Variants in NTRK1 observed in about 807,000 individuals in gnomAD.
The protein encoded by NTRK1 is neurotrophic receptor tyrosine kinase 1.
In NTRK1, 62 loss-of-function variants were observed where a neutral mutation model predicts 86.8. That is an observed-to-expected ratio of 0.71 (90% CI 0.58 to 0.88). The LOEUF (loss-of-function observed/expected upper bound fraction) is 0.88. Among genes scored for constraint, NTRK1 ranks in the 40% least tolerant of loss-of-function variants. The pLI is 0.00. For synonymous variants in NTRK1, 469 were observed against 456.6 expected, an observed-to-expected ratio of 1.03 and a Z score of -0.35; for missense variants, 967 against 1,078.4, an observed-to-expected ratio of 0.90 and a Z score of 1.45.
At chr1:156,874,192 A>T (rs2102907793) in intron 8 of NTRK1, 191 bp from the exon 9 acceptor site, 1 of 963,934 alleles carries the variant, frequency 1.0e-6, no homozygotes, top group Non-Finnish European at 1.6e-6. Flanking sequence ...GCCATGCAGC[A>T]GGGCATCCTG....
At chr1:156,824,332 T>C (rs1654266503) in intron 1 of NTRK1, among the ~76,000 whole-genome samples, 1 of 152,156 alleles carries the variant, frequency 6.6e-6, no homozygotes, top group South Asian at 2.1e-4. Context: ...AGCACCAGCA[T>C]ATCATCCTGG....
upstream of NTRK1, chr1:156,858,421 A>G (rs1266003201): frequency 1.3e-6 from 1 of 787,198 alleles, no homozygotes; most frequent in Admixed American, 1.9e-5. Context: ...GCTAACCCCA[A>G]CCCCCATGTT....
chr1:156,818,448 G>C (rs1056201834), intron 1 of NTRK1, among the ~76,000 whole-genome samples: 1 of 152,130 alleles, frequency 6.6e-6, no homozygotes, highest in African/African-American at 2.4e-5. Flanking sequence ...AGTGTACACT[G>C]TCCCCAATAT....
chr1:156,844,275 C>T, intron 2 of NTRK1: 1 of 1,612,620 alleles, frequency 6.2e-7, no homozygotes, highest in Non-Finnish European at 8.5e-7. Context: ...CCAGCATCCT[C>T]CTCCTCTGGC....
intron 2 of NTRK1, chr1:156,845,476 G>T: frequency 6.6e-7 from 1 of 1,515,048 alleles, no homozygotes; most frequent in Non-Finnish European, 8.8e-7. Context: ...CCTCTGCAGC[G>T]CGTACCGCCT....
rs766446804 is a variant in NTRK1, at chr1:156,845,939, C to T, written c.50+3746C>T. ...CCCGCCCCGCGGCCGGCCTGCGCGT[C>T]GTCCCTGCGCACCGCGGTGGCAGTA... On this transcript the variant is annotated intron_variant, in intron 2 of 16. Coordinates refer to the NTRK1 transcript ENST00000392302. The T allele has an allele frequency of 6.2e-6, 10 of 1,608,790 alleles. No individual in the cohort carries two copies. The South Asian group carries it at 1.1e-4, about 18-fold the overall frequency.
chr1:156,846,409 T>A (rs769525712), intron 2 of NTRK1: 2 of 911,502 alleles, frequency 2.2e-6, no homozygotes, highest in Non-Finnish European at 3.4e-6. Flanking sequence ...CCTTCCAGCC[T>A]CTGTGGGCCA....
chr1:156,825,052 G>T (rs942664963), intron 1 of NTRK1, among the ~76,000 whole-genome samples: 2 of 152,296 alleles, frequency 1.3e-5, no homozygotes, highest in African/African-American at 4.8e-5. Context: ...ACCACGCCCG[G>T]CTAATTTTGT....
At chr1:156,847,707 G>A (rs1335505827) in intron 2 of NTRK1, among the ~76,000 whole-genome samples, 1 of 152,082 alleles carries the variant, frequency 6.6e-6, no homozygotes, top group Non-Finnish European at 1.5e-5. Context: ...ATGGGAGCAG[G>A]TGTCCTGTGA....
intron 1 of NTRK1, among the ~76,000 whole-genome samples, chr1:156,838,878 G>A (rs1473586190): frequency 6.6e-6 from 1 of 152,246 alleles, no homozygotes; most frequent in African/African-American, 2.4e-5. Context: ...CCCCACTGCT[G>A]CCCTGCAGGC....
At chr1:156,850,660 T>G (rs1406774231) in intron 2 of NTRK1, among the ~76,000 whole-genome samples, 2 of 141,146 alleles carry the variant, frequency 1.4e-5, no homozygotes, top group Non-Finnish European at 3.0e-5. Context: ...GTTCAAACAA[T>G]TCTCCTGCCT....
At position 156,876,679 on chromosome 1, in the gene NTRK1, A is replaced by G. The variant is rs966619119; in HGVS notation, c.1805+107A>G. On this transcript the variant is annotated intron_variant, in intron 14 of 16. Coordinates refer to ENST00000524377, the MANE Select transcript of NTRK1 (RefSeq NM_002529.4). Reference sequence around the variant, plus strand: ...TCTTTCAAACCAAGGGGAGACACCAAGAAAGATCAGGAAGGCACATTCCCG... The same window carrying G: ...TCTTTCAAACCAAGGGGAGACACCAGGAAAGATCAGGAAGGCACATTCCCG... The G allele has an allele frequency of 3.0e-5, 42 of 1,377,790 alleles. No individual in the cohort carries two copies. In the African/African-American group the frequency reaches 4.3e-4, roughly 14 times the overall value. The allele number at this position is 1,377,790 out of a possible 1,614,324, so 85.3% of individuals were successfully genotyped here.
intron 2 of NTRK1, among the ~76,000 whole-genome samples, chr1:156,847,603 T>G (rs938652153): frequency 6.6e-6 from 1 of 152,032 alleles, no homozygotes; most frequent in Non-Finnish European, 1.5e-5. Flanking sequence ...GTGGGGGAAC[T>G]TGTGGCCCAG....
chr1:156,840,634 T>C, intron 1 of NTRK1: 2 of 572,818 alleles, frequency 3.5e-6, no homozygotes, highest in East Asian at 5.9e-5. Context: ...TGACCTGATC[T>C]CTACTCCTCT....
At position 156,873,666 on chromosome 1, in the gene NTRK1, A is replaced by C; in HGVS notation, c.884A>C (p.Glu295Ala). ...AGTGTGCAGCTGCACACGGCGGTGG[A>C]GATGCACCACTGGTGCATCCCCTTC... Reference protein sequence around the residue: ...PASVQLHTAVEMHHWCIPFSV... With the variant: ...PASVQLHTAVAMHHWCIPFSV... Residue 295 changes from glutamate (E) to alanine (A), a missense_variant, in exon 8 of 17, where the codon GAG becomes GCG. By Grantham distance (107) the Glu-to-Ala change is moderately radical (BLOSUM62 -1). Coordinates refer to ENST00000524377, the MANE Select transcript of NTRK1 (RefSeq NM_002529.4). The C allele has an allele frequency of 6.2e-7, 1 of 1,609,708 alleles. No homozygotes were observed. Among genetic ancestry groups the C allele is most frequent in the Non-Finnish European group, 8.5e-7 (1 of 1,179,088 alleles).
chr1:156,868,056 C>T (rs1321175296), intron 4 of NTRK1, 48 bp from the exon 5 acceptor site: 6 of 1,610,470 alleles, frequency 3.7e-6, no homozygotes, highest in Non-Finnish European at 5.1e-6. Flanking sequence ...CCCCTGTGAT[C>T]CCTCAGGCCC....
intron 1 of NTRK1, among the ~76,000 whole-genome samples, chr1:156,831,840 T>C (rs1425643628): frequency 2.0e-5 from 3 of 152,142 alleles, no homozygotes; most frequent in Non-Finnish European, 4.4e-5. Context: ...GGATGGGAGA[T>C]TGAAGGGTTT....
At chr1:156,827,264 TTTTTTA>T (rs1274673124) in intron 1 of NTRK1, among the ~76,000 whole-genome samples, 11 of 44,636 alleles carry the variant, frequency 2.5e-4, no homozygotes, top group Non-Finnish European at 4.0e-4. Context: ...ATTTTTTTAT[TTTTTTA>T]TTTTTTTTTG....
intron 1 of NTRK1, among the ~76,000 whole-genome samples, chr1:156,828,915 A>C (rs1194094532): frequency 6.6e-6 from 1 of 152,184 alleles, no homozygotes; most frequent in African/African-American, 2.4e-5. Flanking sequence ...AATTATTATC[A>C]TTGTTCTATT....
Sources: gnomAD v4.1 joint callset for allele counts (sites outside exome capture counted in the v4.1 genomes callset) on GRCh38, gnomAD v4.1.1 for gene constraint, MANE v1.5 for transcripts, NCBI Gene and HGNC (gene_info 2026-07-23, HGNC 2026-07-21) for gene names.